The following COMMD10 variants were observed in gnomAD, a reference collection of about 807,000 sequenced individuals.
The protein encoded by COMMD10 is COMM domain-containing protein 10.
In COMMD10, 33 loss-of-function variants were observed where a neutral mutation model predicts 28.9. The ratio of observed to expected loss-of-function variants is 1.14; its 90% confidence interval spans 0.87 to 1.53. The LOEUF is 1.53. COMMD10 is among the 40% of genes most tolerant of loss of function. COMMD10 has a pLI of 0.00. For missense variants in COMMD10, 310 were observed against 233.4 expected, an observed-to-expected ratio of 1.33 and a Z score of -2.14; for synonymous variants, 110 against 81.7, an observed-to-expected ratio of 1.35 and a Z score of -1.87.
chr5:116,265,320 A>C (rs2112689973), intron 5 of COMMD10, among the ~76,000 whole-genome samples: 1 of 151,834 alleles, frequency 6.6e-6, no homozygotes. Flanking sequence ...ATTGACCTTG[A>C]TTATTCATGT....
rs76039155 is a variant in COMMD10 at position 116,135,801 on chromosome 5, C to A, written c.510+1623C>A. ...TACTATCCATGGTTTCAGGCCTCCA[C>A]TGGGAGTTTTGGAATGCATCCCCCC... On this transcript the variant is annotated intron_variant, in intron 5 of 6. Coordinates refer to ENST00000274458, the MANE Select transcript of COMMD10 (RefSeq NM_016144.4). 6.4e-3 allele frequency among the ~76,000 whole-genome samples: 981 copies of A among 152,280 alleles called. 11 individuals carry two copies. Among genetic ancestry groups the A allele is most frequent in the African/African-American group, 0.022 (904 of 41,562 alleles).
chr5:116,096,198 G>T (rs1580440447), intron 4 of COMMD10, among the ~76,000 whole-genome samples: 1 of 152,094 alleles, frequency 6.6e-6, no homozygotes, highest in East Asian at 1.9e-4. Flanking sequence ...ACTTTATTGA[G>T]AAATGACTCC....
At chr5:116,174,943 C>T (rs955922814) in intron 5 of COMMD10, among the ~76,000 whole-genome samples, 2 of 152,054 alleles carry the variant, frequency 1.3e-5, no homozygotes, top group African/African-American at 4.8e-5. Context: ...ATTAACTTTT[C>T]GTTTTTTTAA....
At chr5:116,105,862 A>G (rs1750819865) in intron 4 of COMMD10, among the ~76,000 whole-genome samples, 1 of 152,008 alleles carries the variant, frequency 6.6e-6, no homozygotes, top group African/African-American at 2.4e-5. Context: ...CTTCTTTATT[A>G]GTCTGGCTAA....
At chr5:116,251,120 T>A (rs1244239864) in intron 5 of COMMD10, among the ~76,000 whole-genome samples, 4 of 151,998 alleles carry the variant, frequency 2.6e-5, no homozygotes, top group South Asian at 2.1e-4. Context: ...CAACCTGTTT[T>A]TATTATTATG....
chr5:116,275,440 G>C (rs1052146362), intron 5 of COMMD10, among the ~76,000 whole-genome samples: 1 of 151,780 alleles, frequency 6.6e-6, no homozygotes, highest in African/African-American at 2.4e-5. Flanking sequence ...TGTAGGTGTA[G>C]TGTTTGTTCT....
intron 5 of COMMD10, among the ~76,000 whole-genome samples, chr5:116,272,508 T>C (rs1452104227): frequency 6.6e-6 from 1 of 151,808 alleles, no homozygotes; most frequent in Non-Finnish European, 1.5e-5. Context: ...AGAAAGTCAG[T>C]AGGCAAAATG....
intron 5 of COMMD10, among the ~76,000 whole-genome samples, chr5:116,142,818 C>G (rs1375036334): frequency 2.6e-5 from 4 of 151,536 alleles, no homozygotes; most frequent in Admixed American, 2.6e-4. Flanking sequence ...AATACTCAAG[C>G]AGTTAGAGAA....
intron 5 of COMMD10, among the ~76,000 whole-genome samples, chr5:116,283,872 G>A (rs1751144421): frequency 6.6e-6 from 1 of 151,806 alleles, no homozygotes; most frequent in Non-Finnish European, 1.5e-5. Context: ...GCTCATGCCT[G>A]TAATCCCAAC....
chr5:116,087,463 T>C (rs777880617), intron 1 of COMMD10, 34 bp from the exon 2 acceptor site: 1 of 1,369,538 alleles, frequency 7.3e-7, no homozygotes, highest in Non-Finnish European at 1.0e-6. Flanking sequence ...CTTGGAAAAC[T>C]CATTTCAAAA....
rs146839464 is a variant in COMMD10, at chr5:116,206,386, C to G, written c.510+72208C>G. ...GAGACGGTGGTCGGGCACGGTGGCT[C>G]ATGCTTGTAATCCCAGCACTTTGGG... On this transcript the variant is annotated intron_variant, in intron 5 of 6. Coordinates refer to ENST00000274458, the MANE Select transcript of COMMD10 (RefSeq NM_016144.4). 5.8e-3 allele frequency among the ~76,000 whole-genome samples: 877 copies of G among 152,140 alleles called. 7 individuals carry two copies. The highest frequency in any genetic ancestry group is 0.02 in the African/African-American group (834 of 41,502).
intron 5 of COMMD10, among the ~76,000 whole-genome samples, chr5:116,215,084 T>C (rs1188561657): frequency 6.6e-6 from 1 of 152,054 alleles, no homozygotes; most frequent in Non-Finnish European, 1.5e-5. Context: ...TTTACCCATA[T>C]TGGTTTAGTT....
At chr5:116,118,089 A>G (rs555696634) in intron 4 of COMMD10, among the ~76,000 whole-genome samples, 1 of 152,272 alleles carries the variant, frequency 6.6e-6, no homozygotes, top group South Asian at 2.1e-4. Context: ...TATCTGGCTT[A>G]TTGAATACCT....
chr5:116,292,852 A>T lies in COMMD10; in HGVS notation c.*363A>T. 1 of 395,056 alleles carries T rather than the reference A, an allele frequency of 2.5e-6. No homozygotes were observed. 24.5% of individuals were successfully genotyped at this position (395,056 alleles called of 1,614,324 possible). A position where few individuals can be genotyped will look rare whatever the true frequency, so the allele number is the denominator to read the frequency against. On this transcript the variant is annotated 3_prime_UTR_variant, in exon 7 of 7. Coordinates refer to ENST00000274458, the MANE Select transcript of COMMD10 (RefSeq NM_016144.4). ...ATCAAGGAGCGTCCATGGATACAAG[A>T]TAAGATGTGTACCTTAGTAGAATAC... is the stretch of plus-strand genomic sequence containing the variant.
chr5:116,202,521 A>G (rs189253891), intron 5 of COMMD10, among the ~76,000 whole-genome samples: 53,887 of 148,930 alleles, frequency 0.36, 11,782 homozygotes, highest in African/African-American at 0.63. Flanking sequence ...AAGTGTTCCT[A>G]TTTCTCCACA....
At chr5:116,122,545 G>T in intron 4 of COMMD10, among the ~76,000 whole-genome samples, 1 of 152,174 alleles carries the variant, frequency 6.6e-6, no homozygotes. Context: ...GATGGGGATG[G>T]CATTGAATCT....
chr5:116,205,713 T>A (rs922198189), intron 5 of COMMD10, among the ~76,000 whole-genome samples: 1 of 152,138 alleles, frequency 6.6e-6, no homozygotes, highest in African/African-American at 2.4e-5. Context: ...AATATAAAAT[T>A]AAAAAATGAG....
At chr5:116,224,018 T>A (rs1749329315) in intron 5 of COMMD10, among the ~76,000 whole-genome samples, 1 of 152,172 alleles carries the variant, frequency 6.6e-6, no homozygotes, top group Non-Finnish European at 1.5e-5. Context: ...TTACTGTTTG[T>A]CTCTTTTACG....
At chr5:116,216,594 C>T (rs377227695) in intron 5 of COMMD10, among the ~76,000 whole-genome samples, 9 of 152,282 alleles carry the variant, frequency 5.9e-5, no homozygotes, top group South Asian at 4.1e-4. Context: ...TTCAGTGGCG[C>T]GATCTCGGCT....
Sources: gnomAD v4.1 joint callset for allele counts (sites outside exome capture counted in the v4.1 genomes callset) on GRCh38, gnomAD v4.1.1 for gene constraint, MANE v1.5 for transcripts, NCBI Gene and HGNC (gene_info 2026-07-23, HGNC 2026-07-21) for gene names.